The following STARD13 variants were observed in gnomAD, a reference collection of about 807,000 sequenced individuals.
The protein encoded by STARD13 is StAR related lipid transfer domain containing 13, also known as stAR-related lipid transfer protein 13.
In STARD13, 62 loss-of-function variants were observed where a neutral mutation model predicts 106.4. The observed-to-expected ratio is 0.58, with a 90% CI of 0.48 to 0.72. The LOEUF is 0.72. Among genes scored for constraint, STARD13 ranks in the 30% least tolerant of loss-of-function variants. The pLI, the probability that STARD13 is intolerant of heterozygous loss-of-function variation, is 0.00. For missense variants in STARD13, 1,387 were observed against 1,424.0 expected, an observed-to-expected ratio of 0.97 and a Z score of 0.42; for synonymous variants, 565 against 553.0, an observed-to-expected ratio of 1.02 and a Z score of -0.31.
At chr13:33,165,447 T>C (rs1256819550) in intron 2 of STARD13, 29 bp from the exon 3 acceptor site, 2 of 1,560,158 alleles carry the variant, frequency 1.3e-6, no homozygotes, top group East Asian at 4.5e-5. Context: ...GAAGTTGATG[T>C]ACTTTGTTTT....
the STARD13 span, among the ~76,000 whole-genome samples, chr13:33,495,419 C>A: frequency 0.024 from 3,612 of 152,140 alleles, 134 homozygotes; most frequent in African/African-American, 0.08. Context: ...TGGTACTATT[C>A]GAGAAAGCCT....
chr13:33,656,388 G>A, the STARD13 span, among the ~76,000 whole-genome samples: 6 of 152,172 alleles, frequency 3.9e-5, no homozygotes, highest in Non-Finnish European at 7.3e-5. Flanking sequence ...AGCTTTCTAC[G>A]ATGTTTAATA....
chr13:33,240,692 G>C (rs1889435786), intron 1 of STARD13, among the ~76,000 whole-genome samples: 1 of 151,328 alleles, frequency 6.6e-6, no homozygotes, highest in Non-Finnish European at 1.5e-5. Flanking sequence ...TTATCCTTAA[G>C]TATTTTATCC....
chr13:33,490,962 C>T, the STARD13 span, among the ~76,000 whole-genome samples: 1 of 152,222 alleles, frequency 6.6e-6, no homozygotes, highest in Admixed American at 6.5e-5. Context: ...CCTCCTCTCA[C>T]AAGGGGTCTG....
At chr13:33,496,276 G>A in the STARD13 span, among the ~76,000 whole-genome samples, 2 of 147,822 alleles carry the variant, frequency 1.4e-5, no homozygotes, top group Non-Finnish European at 3.0e-5. Flanking sequence ...ATTTACATAT[G>A]AATTATAAAC....
the STARD13 span, among the ~76,000 whole-genome samples, chr13:33,360,320 T>G: frequency 6.6e-4 from 101 of 151,890 alleles, 2 homozygotes; most frequent in Middle Eastern, 3.4e-3. Flanking sequence ...TTCTCCTGCC[T>G]CAGCCTCCCA....
intron 1 of STARD13, chr13:33,334,157 T>G (rs1432894225): frequency 2.0e-5 from 3 of 152,218 alleles, no homozygotes; most frequent in African/African-American, 7.2e-5. Context: ...CTTTTAGAAG[T>G]TTGCTAGGCA....
chr13:33,219,302 C>T (rs917789761), intron 1 of STARD13, among the ~76,000 whole-genome samples: 3 of 151,886 alleles, frequency 2.0e-5, no homozygotes, highest in Non-Finnish European at 4.4e-5. Flanking sequence ...GAGGGAACCC[C>T]TCTTGCTGCT....
At chr13:33,203,892 A>G (rs1390208296) in intron 1 of STARD13, among the ~76,000 whole-genome samples, 2 of 152,252 alleles carry the variant, frequency 1.3e-5, no homozygotes, top group Admixed American at 1.3e-4. Context: ...AGCTAATAGC[A>G]CAAGATGCAT....
At position 33,111,875 on chromosome 13, in the gene STARD13, T is replaced by C. The variant is rs771142374; in HGVS notation, c.2510A>G (p.Tyr837Cys). The C allele has an allele frequency of 1.2e-6, 2 of 1,613,386 alleles. No homozygotes were observed. The highest frequency in any genetic ancestry group is 2.2e-5 in the South Asian group (2 of 91,064). Residue 837 changes from tyrosine (Y) to cysteine (C), a missense_variant, in exon 10 of 14, where the codon TAT (tyrosine) becomes TGT (cysteine). By Grantham distance (194) the Tyr-to-Cys change is radical (BLOSUM62 -2). Coordinates refer to ENST00000336934, the MANE Select transcript of STARD13 (RefSeq NM_178006.4). ...CTTTTGATCTGGCTTCCCAGTGGCA[T>C]ATTTCTTCTGTATGACTCTGTAATT... ...ESSPRVIQKKYATGKPDQKDL... is the reference protein window; with the variant it reads ...ESSPRVIQKKCATGKPDQKDL...
chr13:33,385,893 A>T, the STARD13 span, among the ~76,000 whole-genome samples: 1 of 151,814 alleles, frequency 6.6e-6, no homozygotes, highest in East Asian at 1.9e-4. Context: ...ATTAAATAAA[A>T]ATAAAATTTA....
intron 1 of STARD13, among the ~76,000 whole-genome samples, chr13:33,317,140 T>C (rs1893371684): frequency 6.6e-6 from 1 of 152,170 alleles, no homozygotes; most frequent in African/African-American, 2.4e-5. Flanking sequence ...GGTGATCTCA[T>C]ACATTCCTGA....
the STARD13 span, among the ~76,000 whole-genome samples, chr13:33,491,078 T>C: frequency 6.6e-6 from 1 of 152,232 alleles, no homozygotes. Context: ...GACTTGCTTA[T>C]GACATGCTAG....
the STARD13 span, among the ~76,000 whole-genome samples, chr13:33,627,982 T>TTGAGACGGAGTCTCGCTC: frequency 6.6e-6 from 1 of 151,728 alleles, no homozygotes; most frequent in African/African-American, 2.4e-5. Context: ...TTTTTTTTTT[T>TTGAGACGGAGTCTCGCTC]TGAGACGGAG....
chr13:33,282,438 T>C (rs775897923), intron 1 of STARD13, among the ~76,000 whole-genome samples: 1 of 152,058 alleles, frequency 6.6e-6, no homozygotes, highest in Non-Finnish European at 1.5e-5. Flanking sequence ...TCCTTGTTTT[T>C]CCTCCCCATG....
intron 1 of STARD13, among the ~76,000 whole-genome samples, chr13:33,315,923 A>T (rs1359504942): frequency 6.6e-6 from 1 of 152,098 alleles, no homozygotes; most frequent in Non-Finnish European, 1.5e-5. Flanking sequence ...TGCTCCCAAA[A>T]TGTTATAAAT....
At chr13:33,247,246 C>T (rs1025565116) in intron 1 of STARD13, among the ~76,000 whole-genome samples, 4 of 151,484 alleles carry the variant, frequency 2.6e-5, no homozygotes, top group South Asian at 2.1e-4. Context: ...ATAAATAAAA[C>T]GGCTGGAAAA....
chr13:33,643,144 C>A, the STARD13 span, among the ~76,000 whole-genome samples: 10,603 of 143,286 alleles, frequency 0.074, 857 homozygotes, highest in Admixed American at 0.2. Flanking sequence ...GAGTTGGGTA[C>A]TTTACATAGA....
chr13:33,579,126 T>C, the STARD13 span, among the ~76,000 whole-genome samples: 1,822 of 152,246 alleles, frequency 0.012, 37 homozygotes, highest in African/African-American at 0.042. Context: ...AATTCTACCA[T>C]TTGACCCAGA....
Sources: gnomAD v4.1 joint callset for allele counts (sites outside exome capture counted in the v4.1 genomes callset) on GRCh38, gnomAD v4.1.1 for gene constraint, MANE v1.5 for transcripts, NCBI Gene and HGNC (gene_info 2026-07-23, HGNC 2026-07-21) for gene names.